LRRK2: variants seen among roughly 807,000 people sequenced by gnomAD.
LRRK2 encodes the protein leucine rich repeat kinase 2, also known as leucine-rich repeat serine/threonine-protein kinase 2.
In LRRK2, 203 loss-of-function variants were observed where a neutral mutation model predicts 302.6. The ratio of observed to expected loss-of-function variants is 0.67; its 90% CI spans 0.60 to 0.75. The LOEUF (loss-of-function observed/expected upper bound fraction) is 0.75. Ranked by LOEUF, LRRK2 falls within the 30% of genes least tolerant of loss-of-function variation. LRRK2 has a pLI of 0.00. For missense variants in LRRK2, 2,830 were observed against 2,951.0 expected (o/e 0.96, Z 0.95); for synonymous variants, 1,066 against 1,031.9 (o/e 1.03, Z -0.63).
intron 10 of LRRK2, 81 bp from the exon 11 acceptor site, chr12:40,252,829 A>G: frequency 1.1e-6 from 1 of 882,910 alleles, no homozygotes; most frequent in Non-Finnish European, 1.9e-6. Flanking sequence ...TTGTTGTTAG[A>G]GATATTTGAT....
chr12:40,337,352 G>A (rs757797692), intron 40 of LRRK2, among the ~76,000 whole-genome samples: 4 of 152,042 alleles, frequency 2.6e-5, no homozygotes, highest in Non-Finnish European at 5.9e-5. Context: ...AATCCACTTC[G>A]TTTGAACTCT....
chr12:40,284,180 A>ATAAAAAAAATAGTCTTAAAAAATAGAC (rs1565711578), intron 19 of LRRK2, 47 bp downstream of exon 19: 1 of 1,525,788 alleles, frequency 6.6e-7, no homozygotes, highest in Non-Finnish European at 9.0e-7. Flanking sequence ...TTTTAATAGT[A>ATAAAAAAAATAGTCTTAAAAAATAGAC]TTTTTTTAAG....
In LRRK2 at chr12:40,251,517, A is replaced by C; in HGVS notation, c.1154A>C (p.His385Pro). ...NNLLMYQNSLHEKIGDEDGHF... is the reference protein window; with the variant it reads ...NNLLMYQNSLPEKIGDEDGHF... ...CTCCTTATGTACCAAAACAGTTTAC[A>C]TGAGAAGATTGGAGATGAAGATGGC... The change falls in exon 10 of 51, where the codon CAT (histidine) becomes CCT (proline). Residue 385 changes from histidine (H) to proline (P), a missense_variant. This residue lies in a region of LRRK2 where 2,121 missense variants were observed against 2,148.0 expected (regional missense o/e 0.99). Transcript: ENST00000298910. 6.2e-7 allele frequency: 1 copy of C among 1,612,578 alleles called. No homozygotes were observed. The highest frequency in any genetic ancestry group is 8.5e-7 in the Non-Finnish European group (1 of 1,179,170).
In LRRK2 at chr12:40,287,255, C is replaced by T. The variant is rs4473003; in HGVS notation, c.2501-96C>T. ...TGAAAGGAAAAATAGAAATATTCTC[C>T]AGAAGCATAGCAATACGTAAGAACT... On this transcript the variant is annotated intron_variant, in intron 19 of 50. Coordinates refer to ENST00000298910, the MANE Select transcript of LRRK2 (RefSeq NM_198578.4). The T allele has an allele frequency of 0.86, 900,755 of 1,049,126 alleles. 387,376 individuals are homozygous for T. Among genetic ancestry groups the T allele is most frequent in the Middle Eastern group, 0.89 (4,287 of 4,804 alleles). 65.0% of individuals were successfully genotyped at this position (1,049,126 alleles called of 1,614,324 possible). A position where few individuals can be genotyped will look rare whatever the true frequency, so the allele number is the denominator to read the frequency against.
At chr12:40,275,536 T>A (rs1943416300) in intron 16 of LRRK2, among the ~76,000 whole-genome samples, 1 of 152,192 alleles carries the variant, frequency 6.6e-6, no homozygotes, top group Non-Finnish European at 1.5e-5. Flanking sequence ...TTTTTAATTG[T>A]AGCAAAACAA....
Position 40,284,123 on chromosome 12 carries a change from G to A in LRRK2, c.2490G>A (p.Arg830=). ...PLFPDKTSNL[R]KQTNIASTLA... ...TTCCAGATAAGACTTCTAATTTAAG[G>A]AAACAAACAAGTAAGTAACAAGGAG... Residue 830 remains arginine, a synonymous_variant, in exon 19 of 51, where the codon AGG becomes AGA. Transcript: ENST00000298910. 2 of 1,609,312 alleles carry A rather than the reference G, an allele frequency of 1.2e-6. No homozygotes were observed. The highest frequency in any genetic ancestry group is 2.2e-5 in the South Asian group (2 of 90,220).
intron 40 of LRRK2, 52 bp from the exon 41 acceptor site, chr12:40,340,242 T>C (rs1361833045): frequency 2.5e-6 from 4 of 1,583,228 alleles, no homozygotes; most frequent in Non-Finnish European, 2.6e-6. Flanking sequence ...AGGACAAAAA[T>C]TATTATAATG....
intron 48 of LRRK2, 66 bp downstream of exon 48, chr12:40,363,620 G>A: frequency 6.4e-7 from 1 of 1,559,390 alleles, no homozygotes; most frequent in South Asian, 1.1e-5. Context: ...TGTCACAGAG[G>A]AAGGATTTTT....
intron 11 of LRRK2, among the ~76,000 whole-genome samples, chr12:40,254,994 T>C (rs1227152508): frequency 6.6e-6 from 1 of 152,104 alleles, no homozygotes; most frequent in African/African-American, 2.4e-5. Flanking sequence ...AATGGCTACA[T>C]TGGCAGGCAG....
At chr12:40,248,831 A>G (rs972826122) in intron 7 of LRRK2, among the ~76,000 whole-genome samples, 2 of 152,198 alleles carry the variant, frequency 1.3e-5, no homozygotes, top group Admixed American at 1.3e-4. Context: ...GGACAACCCA[A>G]GTTTAGACAA....
In LRRK2 at chr12:40,250,120, CA is replaced by C. The variant is rs550131725; in HGVS notation, c.958+176del. ...GAAACTAACAGTTGTGACAAATATA[CA>C]CATCTCAATGTAGAGTTTTGCTTTA... On this transcript the variant is annotated intron_variant, in intron 8 of 50. Coordinates refer to ENST00000298910, the MANE Select transcript of LRRK2 (RefSeq NM_198578.4). 5.3e-5 allele frequency among the ~76,000 whole-genome samples: 8 copies of C among 152,306 alleles called. No homozygotes were observed. The South Asian group carries it at 1.7e-3, about 32-fold the overall frequency.
intron 3 of LRRK2, among the ~76,000 whole-genome samples, chr12:40,235,030 A>G (rs1941386520): frequency 6.6e-6 from 1 of 152,112 alleles, no homozygotes; most frequent in Non-Finnish European, 1.5e-5. Flanking sequence ...TAACTTTATT[A>G]AAGTATAGTT....
rs1940826910 is a variant in LRRK2, at chr12:40,225,530, T to G, written c.152-25T>G. ...GTGCTGTGGATTGTGACTTTGCTTC[T>G]TTTCCCCACCCACTTGTTTTCCAGC... On this transcript the variant is annotated intron_variant, in intron 1 of 50. Coordinates refer to ENST00000298910, the MANE Select transcript of LRRK2 (RefSeq NM_198578.4). The G allele has an allele frequency of 4.4e-6, 7 of 1,598,276 alleles. No individual in the cohort carries two copies. In the East Asian group the frequency reaches 1.6e-4, roughly 36 times the overall value.
intron 12 of LRRK2, among the ~76,000 whole-genome samples, chr12:40,258,297 G>T (rs560142525): frequency 3.9e-5 from 6 of 152,060 alleles, no homozygotes; most frequent in Non-Finnish European, 7.4e-5. Context: ...GTAAGAAGTA[G>T]GGTTACACTG....
intron 49 of LRRK2, chr12:40,365,446 A>G (rs574292294): frequency 5.8e-5 from 10 of 172,248 alleles, no homozygotes; most frequent in South Asian, 4.1e-4. Context: ...TTTTCATTCT[A>G]TAACAAATCT....
chr12:40,296,659 C>T (rs1362813618), intron 23 of LRRK2, among the ~76,000 whole-genome samples: 1 of 151,906 alleles, frequency 6.6e-6, no homozygotes, highest in Non-Finnish European at 1.5e-5. Context: ...GTTGCAAATG[C>T]ATTTCCCCCT....
intron 32 of LRRK2, 152 bp downstream of exon 32, chr12:40,314,325 C>T: frequency 1.3e-6 from 1 of 754,542 alleles, no homozygotes; most frequent in Non-Finnish European, 2.2e-6. Flanking sequence ...GGAAGATCAT[C>T]ATGTGTGTTC....
At position 40,315,281 on chromosome 12, in the gene LRRK2, T is replaced by C. The variant is rs1376748086; in HGVS notation, c.4808T>C (p.Leu1603Pro). 16 of 1,612,514 alleles carry C rather than the reference T, an allele frequency of 9.9e-6. No individual in the cohort carries two copies. The East Asian group carries it at 3.6e-4, about 36-fold the overall frequency. Reference sequence around the variant, plus strand: ...TTGTACTTTGTGGAACCCAAGTGGCTTTGTAAAATCATGGCACAGGTTGGT... The same window carrying C: ...TTGTACTTTGTGGAACCCAAGTGGCCTTGTAAAATCATGGCACAGGTTGGT... Reference protein sequence around the residue: ...SDLYFVEPKWLCKIMAQILTV... With the variant: ...SDLYFVEPKWPCKIMAQILTV... The change falls in exon 33 of 51, where the codon CTT becomes CCT. Residue 1603 changes from leucine to proline, a missense_variant. Leu to Pro is a moderately conservative substitution (Grantham distance 98, BLOSUM62 -3). Coordinates refer to ENST00000298910, the MANE Select transcript of LRRK2 (RefSeq NM_198578.4).
intron 23 of LRRK2, among the ~76,000 whole-genome samples, chr12:40,297,894 A>G (rs1944441801): frequency 6.6e-6 from 1 of 152,116 alleles, no homozygotes; most frequent in Non-Finnish European, 1.5e-5. Flanking sequence ...CCAGGATTAT[A>G]TTGTACTTTT....
Sources: gnomAD v4.1 joint callset for allele counts (sites outside exome capture counted in the v4.1 genomes callset) on GRCh38, gnomAD v4.1.1 for gene constraint, gnomAD v4.1.1 regional missense constraint, MANE v1.5 for transcripts, NCBI Gene and HGNC (gene_info 2026-07-23, HGNC 2026-07-21) for gene names.